The following CAMK2D variants were observed in gnomAD, a reference collection of about 807,000 sequenced individuals.
CAMK2D encodes calcium/calmodulin-dependent protein kinase type II subunit delta.
In CAMK2D, 37 loss-of-function variants were observed where a neutral mutation model predicts 84.0. The observed-to-expected ratio is 0.44, with a 90% CI of 0.34 to 0.58. CAMK2D has a LOEUF of 0.58. Ranked by LOEUF, CAMK2D falls within the 20% of genes least tolerant of loss-of-function variation. CAMK2D has a pLI of 0.02. For synonymous variants in CAMK2D, 202 were observed against 212.5 expected (o/e 0.95, Z 0.43); for missense variants, 448 against 652.5 (o/e 0.69, Z 3.41).
intron 2 of CAMK2D, chr4:113,754,231 A>C (rs1466415363): frequency 1.0e-6 from 1 of 975,430 alleles, no homozygotes. Flanking sequence ...TGATTTATTA[A>C]AACACTGCAT....
chr4:113,754,574 A>G lies in CAMK2D; in HGVS notation c.160+4746T>C, dbSNP rs78252382. 3,065 of 981,814 alleles carry G rather than the reference A, an allele frequency of 3.1e-3. 77 individuals are homozygous for G. The African/African-American group carries it at 0.049, about 16-fold the overall frequency. 60.8% of individuals were successfully genotyped at this position (981,814 alleles called of 1,614,324 possible). ...CTCACACAATCAGGTAGAGGTTTAC[A>G]CTAGTTATTAATATCACAGTATGGC... is the stretch of plus-strand genomic sequence containing the variant. On this transcript the variant is annotated intron_variant, in intron 2 of 20. Coordinates refer to ENST00000511664, the MANE Select transcript of CAMK2D (RefSeq NM_001321571.2).
At chr4:113,602,173 C>T (rs751980410) in intron 4 of CAMK2D, among the ~76,000 whole-genome samples, 13 of 151,754 alleles carry the variant, frequency 8.6e-5, no homozygotes, top group Non-Finnish European at 1.8e-4. Flanking sequence ...TCCATTTTTG[C>T]TTGAAGCTGT....
At chr4:113,479,118 T>G (rs541877822) in intron 16 of CAMK2D, among the ~76,000 whole-genome samples, 1 of 152,208 alleles carries the variant, frequency 6.6e-6, no homozygotes, top group Admixed American at 6.6e-5. Flanking sequence ...TCTATCAAGA[T>G]AGTTAGTTTC....
chr4:113,477,959 T>A (rs1449979407), intron 16 of CAMK2D, among the ~76,000 whole-genome samples: 1 of 152,204 alleles, frequency 6.6e-6, no homozygotes, highest in African/African-American at 2.4e-5. Flanking sequence ...GTATAGTAGA[T>A]ACATATTTGT....
At chr4:113,608,695 T>C (rs2098987576) in intron 4 of CAMK2D, among the ~76,000 whole-genome samples, 2 of 152,228 alleles carry the variant, frequency 1.3e-5, no homozygotes, top group East Asian at 3.8e-4. Flanking sequence ...AGAGTCATTA[T>C]TTTCCCTTCA....
At chr4:113,746,337 A>T (rs956189430) in intron 2 of CAMK2D, among the ~76,000 whole-genome samples, 3 of 152,162 alleles carry the variant, frequency 2.0e-5, no homozygotes, top group Admixed American at 2.0e-4. Flanking sequence ...AAGGTCAACA[A>T]ATATTAACTC....
At chr4:113,473,719 T>A (rs1046679439) in intron 16 of CAMK2D, among the ~76,000 whole-genome samples, 2 of 152,162 alleles carry the variant, frequency 1.3e-5, no homozygotes, top group African/African-American at 4.8e-5. Flanking sequence ...GATAGTTAAC[T>A]GGGGAAGAAG....
At chr4:113,653,776 T>C (rs1299674842) in intron 3 of CAMK2D, among the ~76,000 whole-genome samples, 7 of 152,064 alleles carry the variant, frequency 4.6e-5, no homozygotes, top group Non-Finnish European at 1.0e-4. Context: ...AAATACTGGG[T>C]ATATTTAAGA....
intron 2 of CAMK2D, among the ~76,000 whole-genome samples, chr4:113,725,393 A>C (rs752041979): frequency 2.0e-5 from 3 of 152,116 alleles, no homozygotes; most frequent in Non-Finnish European, 4.4e-5. Context: ...TAGCCTATCG[A>C]ATTTTATTAA....
At chr4:113,714,601 G>A (rs933150039) in intron 2 of CAMK2D, among the ~76,000 whole-genome samples, 1 of 152,064 alleles carries the variant, frequency 6.6e-6, no homozygotes, top group African/African-American at 2.4e-5. Flanking sequence ...ACCAGGAGAA[G>A]AGAAATAGTC....
intron 16 of CAMK2D, among the ~76,000 whole-genome samples, chr4:113,482,621 A>C (rs930718328): frequency 3.3e-5 from 5 of 152,208 alleles, no homozygotes; most frequent in African/African-American, 1.2e-4. Context: ...AATATAACTT[A>C]ATCTATAACT....
intron 16 of CAMK2D, among the ~76,000 whole-genome samples, chr4:113,486,331 C>T (rs55743709): frequency 3.6e-4 from 54 of 152,076 alleles, no homozygotes; most frequent in African/African-American, 1.3e-3. Flanking sequence ...TGTTATATTG[C>T]CGAGGCTGGT....
chr4:113,504,510 G>A (rs1393910119), intron 14 of CAMK2D, among the ~76,000 whole-genome samples: 1 of 152,178 alleles, frequency 6.6e-6, no homozygotes, highest in Non-Finnish European at 1.5e-5. Flanking sequence ...TTTAATAAGA[G>A]GGAAACGAGA....
chr4:113,582,337 C>T (rs1260145017), intron 4 of CAMK2D, among the ~76,000 whole-genome samples: 1 of 152,158 alleles, frequency 6.6e-6, no homozygotes, highest in Non-Finnish European at 1.5e-5. Context: ...CTAGGACACA[C>T]GTTTCTATTT....
intron 2 of CAMK2D, among the ~76,000 whole-genome samples, chr4:113,751,311 C>A (rs1594134255): frequency 6.6e-6 from 1 of 152,102 alleles, no homozygotes; most frequent in East Asian, 1.9e-4. Flanking sequence ...AACAAAACAT[C>A]AAATTTTAAT....
rs981351622 is a variant in CAMK2D at position 113,493,442 on chromosome 4, C to G, written c.1135+7021G>C. ...GATATGAAATTCTGGGTTGAAAATT[C>G]TTTTCTTTAAGAATGTTGAATATTG... On this transcript the variant is annotated intron_variant, in intron 16 of 20. Transcript: ENST00000511664. Among the ~76,000 whole-genome samples, 5 of 152,088 alleles carry G rather than the reference C, an allele frequency of 3.3e-5. No homozygotes were observed. The South Asian group carries it at 8.3e-4, about 25-fold the overall frequency.
chr4:113,476,853 T>G (rs2097631529), intron 16 of CAMK2D, among the ~76,000 whole-genome samples: 1 of 152,152 alleles, frequency 6.6e-6, no homozygotes, highest in African/African-American at 2.4e-5. Context: ...TGTATGTGAC[T>G]CATACAAAGG....
At chr4:113,570,780 A>G (rs969730281) in intron 4 of CAMK2D, among the ~76,000 whole-genome samples, 1 of 152,174 alleles carries the variant, frequency 6.6e-6, no homozygotes, top group Non-Finnish European at 1.5e-5. Flanking sequence ...ATCAGACAAC[A>G]AAAGCAAAAA....
chr4:113,568,384 C>G (rs756949393), intron 4 of CAMK2D, among the ~76,000 whole-genome samples: 3 of 152,126 alleles, frequency 2.0e-5, no homozygotes, highest in Non-Finnish European at 4.4e-5. Flanking sequence ...AAGGTTCATC[C>G]ATGTTGTGGC....
Sources: gnomAD v4.1 joint callset for allele counts (sites outside exome capture counted in the v4.1 genomes callset) on GRCh38, gnomAD v4.1.1 for gene constraint, MANE v1.5 for transcripts, NCBI Gene and HGNC (gene_info 2026-07-23, HGNC 2026-07-21) for gene names.